Variants in GET4 observed in about 807,000 individuals in gnomAD.
GET4 encodes guided entry of tail-anchored proteins factor 4.
Under a neutral mutation model 40.0 loss-of-function variants are expected in GET4, and 20 were observed. The observed-to-expected ratio is 0.50, with a 90% confidence interval of 0.35 to 0.73. The LOEUF (loss-of-function observed/expected upper bound fraction) is 0.73. Ranked by LOEUF, GET4 falls within the 30% of genes least tolerant of loss-of-function variation. The pLI, the probability that GET4 is intolerant of heterozygous loss-of-function variation, is 0.01. For missense variants in GET4, 557 were observed against 454.0 expected, an observed-to-expected ratio of 1.23 and a Z score of -2.06; for synonymous variants, 280 against 194.6, an observed-to-expected ratio of 1.44 and a Z score of -3.65.
At chr7:880,684 C>G (rs1844066854) in intron 1 of GET4, 1 of 152,256 alleles carries the variant, frequency 6.6e-6, no homozygotes, top group Admixed American at 6.5e-5. Context: ...CCTCTCAAAC[C>G]TTGGCTTGGA....
chr7:893,685 G>A (rs1030370892), intron 6 of GET4, 55 bp from the exon 7 acceptor site: 48 of 1,191,878 alleles, frequency 4.0e-5, no homozygotes, highest in Non-Finnish European at 5.8e-5. Context: ...GTTTGTGCAG[G>A]TGAGTGTGGT....
rs867523631 is a variant in GET4 at position 886,420 on chromosome 7, C to T, written c.235-149C>T. 1.7e-5 allele frequency: 11 copies of T among 656,480 alleles called. No individual in the cohort carries two copies. In the South Asian group the frequency reaches 1.8e-4, roughly 11 times the overall value. 40.7% of individuals were successfully genotyped at this position (656,480 alleles called of 1,614,324 possible). On this transcript the variant is annotated intron_variant, in intron 2 of 8. Coordinates refer to ENST00000265857, the MANE Select transcript of GET4 (RefSeq NM_015949.3). ...ATTCTCGGCCAGGAGCTCTCTTTTT[C>T]GGCGGCATTGCCAAGGGACGTGGTG...
In GET4 at chr7:890,919, C is replaced by T. The variant is rs769882429; in HGVS notation, c.467-9C>T. 5 of 1,592,842 alleles carry T rather than the reference C, an allele frequency of 3.1e-6. No individual in the cohort carries two copies. Among genetic ancestry groups the T allele is most frequent in the East Asian group, 4.5e-5 (2 of 44,748 alleles). Reference sequence around the variant, plus strand: ...AATGTATTTACATTTTTCTGTCTTTCCTTTGCAGAACAAAACTATTGTGAG... The same window carrying T: ...AATGTATTTACATTTTTCTGTCTTTTCTTTGCAGAACAAAACTATTGTGAG... On this transcript the variant is annotated splice_polypyrimidine_tract_variant and intron_variant, in intron 4 of 8. Coordinates refer to ENST00000265857, the MANE Select transcript of GET4 (RefSeq NM_015949.3).
At position 890,639 on chromosome 7, in the gene GET4, G is replaced by A. The variant is rs556481608; in HGVS notation, c.467-289G>A. On this transcript the variant is annotated intron_variant, in intron 4 of 8. Transcript: ENST00000265857. ...AAGGGTCACATGGTAACACTAATTGGTTATCACAACGAACATTAGTGCAGT... is the reference window on the plus strand; with the variant it reads ...AAGGGTCACATGGTAACACTAATTGATTATCACAACGAACATTAGTGCAGT... 4.6e-5 allele frequency among the ~76,000 whole-genome samples: 7 copies of A among 152,200 alleles called. No homozygotes were observed. In the South Asian group the frequency reaches 6.2e-4, roughly 14 times the overall value.
intron 1 of GET4, chr7:884,407 C>T (rs933081440): frequency 7.8e-7 from 1 of 1,275,056 alleles, no homozygotes; most frequent in Non-Finnish European, 1.0e-6. Flanking sequence ...GGGTCTCCCT[C>T]CAGAACCTTC....
chr7:887,208 G>GT, intron 3 of GET4, 162 bp from the exon 4 acceptor site: 1 of 806,136 alleles, frequency 1.2e-6, no homozygotes, highest in Non-Finnish European at 2.2e-6. Flanking sequence ...TGGAACTGCG[G>GT]TGGGCAGCTC....
chr7:886,267 A>G, intron 2 of GET4, 133 bp downstream of exon 2: 2 of 648,654 alleles, frequency 3.1e-6, no homozygotes, highest in Non-Finnish European at 5.5e-6. Context: ...TGTGGGTGGC[A>G]GAGGGGCCCA....
intron 1 of GET4, among the ~76,000 whole-genome samples, chr7:879,251 G>T (rs1048369642): frequency 1.3e-5 from 2 of 152,250 alleles, no homozygotes; most frequent in Non-Finnish European, 2.9e-5. Context: ...CGCCCCGCTG[G>T]CTGGAATGTA....
intron 1 of GET4, chr7:881,774 G>A (rs9639427): frequency 0.21 from 32,097 of 151,952 alleles, 3,705 homozygotes; most frequent in South Asian, 0.32. Context: ...TTTCAGCACC[G>A]GGTACCAAGC....
intron 1 of GET4, 148 bp from the exon 2 acceptor site, chr7:885,908 C>A: frequency 1.5e-6 from 1 of 648,982 alleles, no homozygotes; most frequent in Non-Finnish European, 2.8e-6. Flanking sequence ...AGACCCCCTC[C>A]ACGCAGCACC....
chr7:886,670 C>G lies in GET4; in HGVS notation c.316+20C>G. 6.4e-7 allele frequency: 1 copy of G among 1,567,000 alleles called. No homozygotes were observed. The highest frequency in any genetic ancestry group is 8.8e-7 in the Non-Finnish European group (1 of 1,139,652). ...TGCTGGGTGAGCATCCGGCCCTTCA[C>G]CCCGGGACCCTGTGACAGCGGCCCC... On this transcript the variant is annotated intron_variant, in intron 3 of 8. Transcript: ENST00000265857.
In GET4 at chr7:894,943, T is replaced by C. The variant is rs560608854; in HGVS notation, c.896-391T>C. Among the ~76,000 whole-genome samples the C allele has an allele frequency of 4.6e-5, 7 of 152,268 alleles. No homozygotes were observed. The East Asian group carries it at 1.2e-3, about 25-fold the overall frequency. On this transcript the variant is annotated intron_variant, in intron 8 of 8. Transcript: ENST00000265857. ...ATTCATGTGTCACTGTAGGGCGCAG[T>C]GTGCTCTACAGCCCCACTTCTCTGC...
At chr7:887,718 G>A (rs559424360) in intron 4 of GET4, among the ~76,000 whole-genome samples, 199 bp downstream of exon 4, 5 of 152,326 alleles carry the variant, frequency 3.3e-5, no homozygotes, top group Admixed American at 1.3e-4. Context: ...CTGCGAGAAG[G>A]GGGGCAGGCG....
intron 1 of GET4, chr7:884,048 C>A: frequency 8.5e-7 from 1 of 1,171,036 alleles, no homozygotes; most frequent in South Asian, 1.7e-5. Flanking sequence ...AGAGCAGGCT[C>A]CTCGTGCAGG....
At chr7:879,374 A>G (rs918402112) in intron 1 of GET4, among the ~76,000 whole-genome samples, 1 of 152,174 alleles carries the variant, frequency 6.6e-6, no homozygotes, top group Non-Finnish European at 1.5e-5. Context: ...TGCTTAAAAC[A>G]CTTGTTTGTG....
At chr7:887,075 C>T in intron 3 of GET4, 1 of 617,164 alleles carries the variant, frequency 1.6e-6, no homozygotes, top group Non-Finnish European at 3.1e-6. Flanking sequence ...CGGGCCAGAG[C>T]CAGGTACCCA....
intron 1 of GET4, chr7:883,720 C>T (rs1218780634): frequency 1.0e-6 from 1 of 985,966 alleles, no homozygotes; most frequent in Admixed American, 6.1e-5. Flanking sequence ...CCCCACTCTC[C>T]CCGGCCTCGG....
In GET4 at chr7:896,310, T is replaced by TGAC. The variant is rs1271269594; in HGVS notation, c.*889_*891dup. ...GACGCTCTATTTTTTCACAGTTAAA[T>TGAC]GACAGTTGTAGATTGATACGCAGTT... On this transcript the variant is annotated 3_prime_UTR_variant, in exon 9 of 9. Coordinates refer to ENST00000265857, the MANE Select transcript of GET4 (RefSeq NM_015949.3). 6.6e-6 allele frequency: 1 copy of TGAC among 152,196 alleles called. No homozygotes were observed. The highest frequency in any genetic ancestry group is 2.4e-5 in the African/African-American group (1 of 41,442). 9.4% of individuals were successfully genotyped at this position (152,196 alleles called of 1,614,324 possible).
chr7:894,554 C>T (rs1324211335), intron 8 of GET4, among the ~76,000 whole-genome samples: 5 of 152,166 alleles, frequency 3.3e-5, no homozygotes, highest in Non-Finnish European at 5.9e-5. Flanking sequence ...CCGGATGCCC[C>T]CCCCAGACAC....
Sources: allele counts gnomAD v4.1 joint callset (sites outside exome capture counted in the v4.1 genomes callset), GRCh38; gene constraint gnomAD v4.1.1; transcripts MANE v1.5; gene names NCBI Gene and HGNC (gene_info 2026-07-23, HGNC 2026-07-21).